FBXW7: variants seen among roughly 807,000 people sequenced by gnomAD.
The protein encoded by FBXW7 is F-box/WD repeat-containing protein 7.
Under a neutral mutation model 86.3 loss-of-function variants are expected in FBXW7, and 11 were observed. The ratio of observed to expected loss-of-function variants is 0.13; its 90% CI spans 0.08 to 0.21. The LOEUF is 0.21. Among genes scored for constraint, FBXW7 ranks in the 10% least tolerant of loss-of-function variants. The pLI, the probability that FBXW7 is intolerant of heterozygous loss-of-function variation, is 1.00. For missense variants in FBXW7, 488 were observed against 847.4 expected, an observed-to-expected ratio of 0.58 and a Z score of 5.27; for synonymous variants, 313 against 297.9, an observed-to-expected ratio of 1.05 and a Z score of -0.52.
At chr4:152,505,472 ATT>A (rs779701117) in intron 2 of FBXW7, among the ~76,000 whole-genome samples, 5 of 152,112 alleles carry the variant, frequency 3.3e-5, no homozygotes, top group Non-Finnish European at 7.4e-5. Flanking sequence ...ATATAAAAAT[ATT>A]TTCTTTCCTT....
intron 2 of FBXW7, among the ~76,000 whole-genome samples, chr4:152,497,965 T>G (rs1341864897): frequency 6.6e-6 from 1 of 152,212 alleles, no homozygotes. Context: ...GGTCATCTTT[T>G]GTGTAAATGT....
rs1306807602 is a variant in FBXW7, at chr4:152,535,237, T to C, written c.-323A>G. On this transcript the variant is annotated 5_prime_UTR_variant, in exon 1 of 14. Coordinates refer to ENST00000281708, the MANE Select transcript of FBXW7 (RefSeq NM_001349798.2). ...GACTCCGGATTTTGTTTTTGTAAAG[T>C]TTCCTCTGGGTGGAGGCTGCGGCCG... 1 of 203,302 alleles carries C rather than the reference T, an allele frequency of 4.9e-6. No individual in the cohort carries two copies. Among genetic ancestry groups the C allele is most frequent in the Non-Finnish European group, 9.9e-6 (1 of 101,480 alleles). 12.6% of individuals were successfully genotyped at this position (203,302 alleles called of 1,614,324 possible). A position where few individuals can be genotyped will look rare whatever the true frequency, so the allele number is the denominator to read the frequency against.
chr4:152,357,975 A>G (rs1364146476), intron 4 of FBXW7, among the ~76,000 whole-genome samples: 2 of 152,148 alleles, frequency 1.3e-5, no homozygotes, highest in Non-Finnish European at 2.9e-5. Context: ...TTTTTCACAG[A>G]CAGCCGGCAT....
intron 2 of FBXW7, among the ~76,000 whole-genome samples, chr4:152,426,703 G>A (rs1056423091): frequency 7.2e-5 from 11 of 152,158 alleles, no homozygotes; most frequent in East Asian, 3.9e-4. Context: ...TTGCCCACTC[G>A]GATAACAGAC....
rs1247097813 is a variant in FBXW7, at chr4:152,330,830, T to C, written c.1024A>G (p.Ile342Val). 6.2e-7 allele frequency: 1 copy of C among 1,612,518 alleles called. No homozygotes were observed. ...GGACTGTGTATGAAACCTGGTTTTA[T>C]TACTTTTCTTCTCTTGATGTGCAAT... ...EPLHIKRRKV[I>V]KPGFIHSPWK... is the part of the protein sequence containing the mutation. Residue 342 changes from isoleucine to valine, a missense_variant, in exon 9 of 14, where the codon ATA becomes GTA. Ile to Val is a conservative substitution (Grantham distance 29). This residue lies in a region of FBXW7 where 57 missense variants were observed against 62.8 expected (regional missense o/e 0.91). Coordinates refer to ENST00000281708, the MANE Select transcript of FBXW7 (RefSeq NM_001349798.2).
At chr4:152,406,157 A>T (rs1216834881) in intron 4 of FBXW7, among the ~76,000 whole-genome samples, 3 of 152,264 alleles carry the variant, frequency 2.0e-5, no homozygotes, top group Admixed American at 6.5e-5. Flanking sequence ...CATTTTGAAG[A>T]TAACTATTTG....
intron 2 of FBXW7, among the ~76,000 whole-genome samples, chr4:152,486,271 C>T (rs1473775457): frequency 6.6e-6 from 1 of 152,114 alleles, no homozygotes; most frequent in Non-Finnish European, 1.5e-5. Flanking sequence ...TGTAAATATA[C>T]ACTCAAACCA....
intron 7 of FBXW7, among the ~76,000 whole-genome samples, chr4:152,334,052 T>TCAACAACAA (rs573332703): frequency 4.0e-5 from 6 of 151,434 alleles, no homozygotes; most frequent in African/African-American, 7.3e-5. Flanking sequence ...AGATTCTGTC[T>TCAACAACAA]CAACAACAAC....
intron 7 of FBXW7, among the ~76,000 whole-genome samples, chr4:152,334,225 C>A (rs1219732871): frequency 6.6e-6 from 1 of 151,982 alleles, no homozygotes. Flanking sequence ...CAGAGAAGAC[C>A]AGTATTATGT....
At chr4:152,462,802 C>T (rs1743071351) in intron 2 of FBXW7, among the ~76,000 whole-genome samples, 1 of 152,062 alleles carries the variant, frequency 6.6e-6, no homozygotes, top group Admixed American at 6.6e-5. Context: ...AGAAGAATCT[C>T]GAAATTCTAA....
intron 2 of FBXW7, among the ~76,000 whole-genome samples, chr4:152,452,114 C>G (rs936463769): frequency 2.0e-5 from 3 of 152,154 alleles, no homozygotes; most frequent in Non-Finnish European, 4.4e-5. Context: ...CAACTGTCTT[C>G]CTGTAAGCCA....
intron 2 of FBXW7, among the ~76,000 whole-genome samples, chr4:152,445,933 A>T (rs985057200): frequency 5.9e-5 from 7 of 118,096 alleles, no homozygotes; most frequent in African/African-American, 2.7e-4. Flanking sequence ...AAAAAAAAAA[A>T]AAAAAAAAAC....
chr4:152,325,899 A>G, intron 12 of FBXW7, 107 bp downstream of exon 12: 1 of 805,626 alleles, frequency 1.2e-6, no homozygotes, highest in Non-Finnish European at 2.0e-6. Flanking sequence ...TAATCTGATT[A>G]ATCTTTTTTG....
intron 2 of FBXW7, among the ~76,000 whole-genome samples, chr4:152,448,796 C>T (rs1404506124): frequency 6.6e-6 from 1 of 152,188 alleles, no homozygotes; most frequent in African/African-American, 2.4e-5. Flanking sequence ...AAACAGAAGT[C>T]TCCCAGCTAC....
intron 2 of FBXW7, among the ~76,000 whole-genome samples, chr4:152,462,205 G>A (rs1439149525): frequency 6.6e-6 from 1 of 152,188 alleles, no homozygotes; most frequent in African/African-American, 2.4e-5. Flanking sequence ...ATCCTCTGAT[G>A]TTATCTTGCT....
At position 152,519,988 on chromosome 4, in the gene FBXW7, TA is replaced by T. The variant is rs759018245; in HGVS notation, c.-120+14952del. Among the ~76,000 whole-genome samples the T allele has an allele frequency of 2.6e-5, 4 of 152,346 alleles. No individual in the cohort carries two copies. In the East Asian group the frequency reaches 7.7e-4, roughly 29 times the overall value. Reference sequence around the variant, plus strand: ...TGAGGACTAAGTTAAATAACGGTTGTAAAAATCCTTAGGACAGTTCCTGACA... The same window carrying T: ...TGAGGACTAAGTTAAATAACGGTTGTAAAATCCTTAGGACAGTTCCTGACA... On this transcript the variant is annotated intron_variant, in intron 2 of 13. Transcript: ENST00000281708.
Position 152,411,650 on chromosome 4 carries a change from G to C in FBXW7, c.154C>G (p.His52Asp). The change falls in exon 4 of 14, where the codon CAC becomes GAC. Residue 52 changes from histidine to aspartate, a missense_variant. By Grantham distance (81) the His-to-Asp change is moderately conservative. Transcript: ENST00000281708. ...ACAACTTCACCATTCCTTGCAGTGT[G>C]CTCCTCCTCTTGTTGTCTGAGTTGC... ...QQQLRQQEEE[H>D]TARNGEVVGV... 2 of 1,613,932 alleles carry C rather than the reference G, an allele frequency of 1.2e-6. No homozygotes were observed. Among genetic ancestry groups the C allele is most frequent in the Non-Finnish European group, 1.7e-6 (2 of 1,179,894 alleles).
chr4:152,486,281 A>G (rs1745332727), intron 2 of FBXW7, among the ~76,000 whole-genome samples: 1 of 152,174 alleles, frequency 6.6e-6, no homozygotes, highest in African/African-American at 2.4e-5. Context: ...CACTCAAACC[A>G]CACTACATCT....
Position 152,324,170 on chromosome 4 carries a change from T to C in FBXW7, c.1855+14A>G. 1 of 1,600,264 alleles carries C rather than the reference T, an allele frequency of 6.2e-7. No individual in the cohort carries two copies. Among genetic ancestry groups the C allele is most frequent in the East Asian group, 2.2e-5 (1 of 44,700 alleles). On this transcript the variant is annotated intron_variant, in intron 13 of 13. Transcript: ENST00000281708. ...CATTTTTAATGAACAAAACGAAAGG[T>C]GAGTAAGACTTACCTTGCAATGTTT... is the stretch of plus-strand genomic sequence containing the variant.
Sources: allele counts gnomAD v4.1 joint callset (sites outside exome capture counted in the v4.1 genomes callset), GRCh38; gene constraint gnomAD v4.1.1; regional missense constraint gnomAD v4.1.1; transcripts MANE v1.5; gene names NCBI Gene and HGNC (gene_info 2026-07-23, HGNC 2026-07-21).